PCDHA5: variants seen among roughly 807,000 people sequenced by gnomAD.
The protein encoded by PCDHA5 is protocadherin alpha 5, also known as protocadherin alpha-5.
PCDHA5 carries 43 observed loss-of-function variants against 61.6 expected under a neutral mutation model. The ratio of observed to expected loss-of-function variants is 0.70; its 90% confidence interval spans 0.55 to 0.90. PCDHA5 has a LOEUF of 0.90. Among genes scored for constraint, PCDHA5 ranks in the 40% least tolerant of loss-of-function variants. PCDHA5 has a pLI of 0.00. For missense variants in PCDHA5, 1,298 were observed against 1,222.7 expected, an observed-to-expected ratio of 1.06 and a Z score of -0.92; for synonymous variants, 627 against 543.9, an observed-to-expected ratio of 1.15 and a Z score of -2.13.
intron 1 of PCDHA5, chr5:140,850,885 G>C: frequency 1.3e-6 from 2 of 1,582,746 alleles, no homozygotes; most frequent in South Asian, 1.1e-5. Flanking sequence ...GATTCAACTG[G>C]GAAGGTGGGT....
At chr5:140,928,332 C>T in intron 1 of PCDHA5, 1 of 1,614,182 alleles carries the variant, frequency 6.2e-7, no homozygotes, top group Non-Finnish European at 8.5e-7. Context: ...ATGGCCTTGT[C>T]TCTTATGAGC....
At chr5:140,875,987 TAA>T (rs781909320) in intron 1 of PCDHA5, 4 of 1,613,914 alleles carry the variant, frequency 2.5e-6, no homozygotes, top group Admixed American at 1.7e-5. Context: ...ACCTATGCGT[TAA>T]GTCTAAATGA....
intron 1 of PCDHA5, chr5:140,852,251 G>A: frequency 1.9e-6 from 1 of 527,556 alleles, no homozygotes; most frequent in Non-Finnish European, 2.5e-6. Flanking sequence ...ACACACTTTT[G>A]GAATATGCTA....
chr5:140,915,744 G>A (rs2077291791), intron 1 of PCDHA5, among the ~76,000 whole-genome samples: 1 of 151,896 alleles, frequency 6.6e-6, no homozygotes, highest in South Asian at 2.1e-4. Flanking sequence ...CAGACCTATA[G>A]CCAGCACAGC....
intron 3 of PCDHA5, among the ~76,000 whole-genome samples, chr5:140,985,428 T>C (rs782337868): frequency 2.0e-5 from 3 of 152,192 alleles, no homozygotes; most frequent in Non-Finnish European, 4.4e-5. Context: ...GGAGGATTTA[T>C]TAGTTGCTGC....
In PCDHA5 at chr5:141,011,807, A is replaced by G. The variant is rs940017317; in HGVS notation, c.*1870A>G. ...CTAATGGTATCTGAAATATCAGCTC[A>G]TAGAAAGTAACAAAATTTGCTGTCA... On this transcript the variant is annotated 3_prime_UTR_variant, in exon 4 of 4. Coordinates refer to ENST00000529859, the MANE Select transcript of PCDHA5 (RefSeq NM_018908.3). The G allele has an allele frequency of 1.3e-5, 2 of 153,798 alleles. No individual in the cohort carries two copies. Among genetic ancestry groups the G allele is most frequent in the African/African-American group, 4.8e-5 (2 of 41,468 alleles). The allele number at this position is 153,798 out of a possible 1,614,324, so 9.5% of individuals were successfully genotyped here.
At chr5:140,825,489 C>T (rs189217781) in intron 1 of PCDHA5, 5 of 150,238 alleles carry the variant, frequency 3.3e-5, no homozygotes, top group East Asian at 3.9e-4. Context: ...GTTGCCCAAA[C>T]GAGTGCAATG....
chr5:140,977,543 A>G (rs905389015), intron 1 of PCDHA5, among the ~76,000 whole-genome samples: 3 of 152,224 alleles, frequency 2.0e-5, no homozygotes. Context: ...AGCAGCTTGC[A>G]TATGCATATC....
Position 141,012,065 on chromosome 5 carries a change from T to G in PCDHA5, c.*2128T>G, listed in dbSNP as rs2098422876. The G allele has an allele frequency of 6.5e-6, 1 of 153,794 alleles. No individual in the cohort carries two copies. Among genetic ancestry groups the G allele is most frequent in the Non-Finnish European group, 1.5e-5 (1 of 68,044 alleles). The allele number at this position is 153,794 out of a possible 1,614,324, so 9.5% of individuals were successfully genotyped here. A position where few individuals can be genotyped will look rare whatever the true frequency, so the allele number is the denominator to read the frequency against. ...GGGTAAAACTTGTTACCAACACATGTGAACCATTGCTACATTGTAGGTTGT... is the reference window on the plus strand; with the variant it reads ...GGGTAAAACTTGTTACCAACACATGGGAACCATTGCTACATTGTAGGTTGT... On this transcript the variant is annotated 3_prime_UTR_variant, in exon 4 of 4. Transcript: ENST00000529859.
chr5:140,943,823 G>A (rs1431339857), intron 1 of PCDHA5, among the ~76,000 whole-genome samples: 3 of 152,206 alleles, frequency 2.0e-5, no homozygotes, highest in African/African-American at 7.2e-5. Flanking sequence ...AAGAAAATGA[G>A]TTGATTGAAG....
At chr5:140,883,957 G>T (rs879988838) in intron 1 of PCDHA5, 1 of 1,613,246 alleles carries the variant, frequency 6.2e-7, no homozygotes, top group Non-Finnish European at 8.5e-7. Context: ...ACAACGCTCC[G>T]GCGCTGCTGA....
At chr5:140,969,232 C>G in intron 1 of PCDHA5, 1 of 1,614,066 alleles carries the variant, frequency 6.2e-7, no homozygotes, top group Non-Finnish European at 8.5e-7. Flanking sequence ...CTTCGGGAGC[C>G]CAAGCAGCAG....
intron 1 of PCDHA5, chr5:140,843,530 C>G (rs2150362147): frequency 1.3e-6 from 2 of 1,595,838 alleles, no homozygotes; most frequent in African/African-American, 1.3e-5. Flanking sequence ...GGCGGGCAAG[C>G]CCACTCTGGT....
chr5:140,936,037 C>A (rs2090734622), intron 1 of PCDHA5, among the ~76,000 whole-genome samples: 2 of 151,862 alleles, frequency 1.3e-5, no homozygotes, highest in Non-Finnish European at 1.5e-5. Flanking sequence ...GGATTACAGG[C>A]ACCCACCACC....
At chr5:140,843,814 G>A in intron 1 of PCDHA5, 1 of 1,259,886 alleles carries the variant, frequency 7.9e-7, no homozygotes, top group Non-Finnish European at 1.1e-6. Context: ...ATTTTATAGT[G>A]AAAATTTAAA....
At chr5:140,966,973 G>A (rs782189736) in intron 1 of PCDHA5, 9 of 1,602,936 alleles carry the variant, frequency 5.6e-6, no homozygotes, top group African/African-American at 4.0e-5. Flanking sequence ...GGCTTGAGCT[G>A]CGGCGCTTGG....
intron 1 of PCDHA5, among the ~76,000 whole-genome samples, chr5:140,970,706 A>G (rs1266484266): frequency 6.6e-6 from 1 of 152,224 alleles, no homozygotes; most frequent in Non-Finnish European, 1.5e-5. Context: ...CTACTACACA[A>G]TGTGTGAACA....
At chr5:140,912,922 G>A (rs1554195623) in intron 1 of PCDHA5, among the ~76,000 whole-genome samples, 3 of 152,210 alleles carry the variant, frequency 2.0e-5, no homozygotes, top group African/African-American at 7.2e-5. Context: ...ATTTGTGTAT[G>A]TTGAATCATC....
At chr5:140,957,252 A>C (rs557518275) in intron 1 of PCDHA5, among the ~76,000 whole-genome samples, 80 of 152,330 alleles carry the variant, frequency 5.3e-4, no homozygotes, top group African/African-American at 1.9e-3. Context: ...CCTAAAATTT[A>C]AATATGTAAG....
Sources: allele counts gnomAD v4.1 joint callset (sites outside exome capture counted in the v4.1 genomes callset), GRCh38; gene constraint gnomAD v4.1.1; transcripts MANE v1.5; gene names NCBI Gene and HGNC (gene_info 2026-07-23, HGNC 2026-07-21).